PRRX2: variants seen among roughly 807,000 people sequenced by gnomAD.
PRRX2 encodes paired related homeobox 2.
In PRRX2, 11 loss-of-function variants were observed where a neutral mutation model predicts 18.0. The observed-to-expected ratio is 0.61, with a 90% CI of 0.39 to 1.01. The LOEUF (loss-of-function observed/expected upper bound fraction) is 1.01, where lower values mean the gene tolerates loss of function less well. Among genes scored for constraint, PRRX2 ranks in the 50% least tolerant of loss-of-function variants. PRRX2 has a pLI of 0.01. For missense variants in PRRX2, 387 were observed against 351.0 expected (o/e 1.10, Z -0.82); for synonymous variants, 177 against 154.8 (o/e 1.14, Z -1.06).
rs1832776752 is a variant in PRRX2 at position 129,720,633 on chromosome 9, A to AT, written c.486dup (p.Glu163Ter). On this transcript the variant is annotated frameshift_variant, in exon 3 of 4. Coordinates refer to ENST00000372469, the MANE Select transcript of PRRX2 (RefSeq NM_016307.4). LOFTEE classifies it high-confidence loss of function. Reference sequence around the variant, plus strand: ...AACCGCCGCGCCAAGTTCCGCAGGAATGAAAGGGCCATGCTGGCCAGCCGC... The same window carrying AT: ...AACCGCCGCGCCAAGTTCCGCAGGAATTGAAAGGGCCATGCTGGCCAGCCGC... 1 of 1,613,036 alleles carries AT rather than the reference A, an allele frequency of 6.2e-7. No individual in the cohort carries two copies.
rs758622935 is a variant in PRRX2 at position 129,720,733 on chromosome 9, G to A, written c.585G>A (p.Leu195=). ...CCGTGGCTCCCCGGCCCACCGCCCT[G>A]AGTCCAGATTATCTCTCCTGGACAG... ...EQPVAPRPTA[L]SPDYLSWTAS... Residue 195 remains leucine, a synonymous_variant, in exon 3 of 4, where the codon CTG becomes CTA. Transcript: ENST00000372469. 1.2e-6 allele frequency: 2 copies of A among 1,611,460 alleles called. No homozygotes were observed. Among genetic ancestry groups the A allele is most frequent in the Admixed American group, 3.3e-5 (2 of 59,780 alleles).
In PRRX2 at chr9:129,715,106, G is replaced by T. The variant is rs1031612549; in HGVS notation, c.260-4125G>T. On this transcript the variant is annotated intron_variant, in intron 1 of 3. Coordinates refer to ENST00000372469, the MANE Select transcript of PRRX2 (RefSeq NM_016307.4). This position sits in a 1 kb window ranked among gnomAD's most constrained non-coding sequence, Gnocchi z 4.0. ...CCGGCAATGAGACCAGCTCCACAGG[G>T]CCACCACGTGCTCCCTCCCCACTGC... Among the ~76,000 whole-genome samples the T allele has an allele frequency of 1.3e-5, 2 of 152,104 alleles. No individual in the cohort carries two copies. The highest frequency in any genetic ancestry group is 2.4e-5 in the African/African-American group (1 of 41,408).
chr9:129,694,933 C>T (rs1832402470), intron 1 of PRRX2, among the ~76,000 whole-genome samples: 1 of 152,188 alleles, frequency 6.6e-6, no homozygotes, highest in Non-Finnish European at 1.5e-5. Context: ...AGCCACCATC[C>T]CCTCTCATCA....
intron 1 of PRRX2, among the ~76,000 whole-genome samples, chr9:129,689,095 G>C (rs1010609248): frequency 6.6e-6 from 1 of 152,166 alleles, no homozygotes; most frequent in Non-Finnish European, 1.5e-5. Flanking sequence ...TCATGGCACA[G>C]AGAGACACTC....
chr9:129,716,066 T>C (rs1832703090), intron 1 of PRRX2, among the ~76,000 whole-genome samples: 1 of 152,112 alleles, frequency 6.6e-6, no homozygotes. Flanking sequence ...TTGGCCAAAC[T>C]GTAGGCAAAA....
chr9:129,670,907 G>T (rs1173121843), intron 1 of PRRX2, among the ~76,000 whole-genome samples: 6 of 152,088 alleles, frequency 3.9e-5, no homozygotes, highest in Non-Finnish European at 8.8e-5. Context: ...GGGACAAGGG[G>T]AGTCATGCAG....
intron 1 of PRRX2, among the ~76,000 whole-genome samples, chr9:129,683,092 T>A (rs1187556417): frequency 2.0e-5 from 3 of 150,022 alleles, no homozygotes; most frequent in African/African-American, 7.4e-5. Context: ...TGGGTGAGAG[T>A]GAGACTCTGT....
In PRRX2 at chr9:129,683,528, G is replaced by A. The variant is rs181005708; in HGVS notation, c.259+17402G>A. On this transcript the variant is annotated intron_variant, in intron 1 of 3. Transcript: ENST00000372469. ...AGGTGGGCGGATCACGAGGTCAGGA[G>A]ATCGAGACCGTCCTGGCTAAAACGG... Among the ~76,000 whole-genome samples, 46 of 152,262 alleles carry A rather than the reference G, an allele frequency of 3.0e-4. No individual in the cohort carries two copies. In the East Asian group the frequency reaches 7.2e-3, roughly 24 times the overall value.
chr9:129,683,165 T>C (rs545677802), intron 1 of PRRX2, among the ~76,000 whole-genome samples: 3 of 152,248 alleles, frequency 2.0e-5, no homozygotes, highest in African/African-American at 7.2e-5. Context: ...TAAGTCTTAT[T>C]TGGGTGAAGT....
rs2130921307 is a variant in PRRX2, at chr9:129,695,882, T to C, written c.260-23349T>C. Among the ~76,000 whole-genome samples the C allele has an allele frequency of 6.6e-6, 1 of 152,260 alleles. No individual in the cohort carries two copies. The highest frequency in any genetic ancestry group is 2.1e-4 in the South Asian group (1 of 4,822). Reference sequence around the variant, plus strand: ...GTTCTAAACAGAACCTCTGCTGTCATGTAAGCAGCTCAGAAAAAAACACTC... The same window carrying C: ...GTTCTAAACAGAACCTCTGCTGTCACGTAAGCAGCTCAGAAAAAAACACTC... On this transcript the variant is annotated intron_variant, in intron 1 of 3. Coordinates refer to ENST00000372469, the MANE Select transcript of PRRX2 (RefSeq NM_016307.4). The surrounding 1 kb of genome is among the most constrained non-coding windows in gnomAD (Gnocchi z 4.8).
At chr9:129,699,435 A>ATGTGTGTGTGTGTG (rs966193468) in intron 1 of PRRX2, among the ~76,000 whole-genome samples, 1 of 142,578 alleles carries the variant, frequency 7.0e-6, no homozygotes, top group African/African-American at 2.8e-5. Flanking sequence ...AAAAAAATAT[A>ATGTGTGTGTGTGTG]TATATGTGTG....
At chr9:129,711,662 G>C (rs1179417036) in intron 1 of PRRX2, among the ~76,000 whole-genome samples, 1 of 152,030 alleles carries the variant, frequency 6.6e-6, no homozygotes. Flanking sequence ...ACTCGCCTCG[G>C]CCTCCCAAAG....
At position 129,675,018 on chromosome 9, in the gene PRRX2, A is replaced by G. The variant is rs1832146409; in HGVS notation, c.259+8892A>G. ...TTGTACCCTGCTGCGGGCTCCTTCC[A>G]GAGCTGACTCTGCCTCCATTACCCT... On this transcript the variant is annotated intron_variant, in intron 1 of 3. Coordinates refer to ENST00000372469, the MANE Select transcript of PRRX2 (RefSeq NM_016307.4). The surrounding 1 kb of genome is among the most constrained non-coding windows in gnomAD (Gnocchi z 4.4). Among the ~76,000 whole-genome samples the G allele has an allele frequency of 6.6e-6, 1 of 152,230 alleles. No homozygotes were observed. Among genetic ancestry groups the G allele is most frequent in the Non-Finnish European group, 1.5e-5 (1 of 68,004 alleles).
intron 1 of PRRX2, among the ~76,000 whole-genome samples, chr9:129,679,752 G>A (rs1218874157): frequency 6.6e-6 from 1 of 152,150 alleles, no homozygotes; most frequent in African/African-American, 2.4e-5. Flanking sequence ...CCAGGCAGGC[G>A]GGCTAGGGGC....
At chr9:129,698,553 G>T (rs1451934529) in intron 1 of PRRX2, among the ~76,000 whole-genome samples, 1 of 152,220 alleles carries the variant, frequency 6.6e-6, no homozygotes, top group Non-Finnish European at 1.5e-5. Context: ...TGGGATGCTG[G>T]GTAGGGTGGG....
chr9:129,707,018 G>T (rs1212942797), intron 1 of PRRX2, among the ~76,000 whole-genome samples: 1 of 152,192 alleles, frequency 6.6e-6, no homozygotes, highest in African/African-American at 2.4e-5. Context: ...CACTTTGGGA[G>T]GCAAAGGCGG....
intron 1 of PRRX2, among the ~76,000 whole-genome samples, chr9:129,682,327 G>A (rs1012652755): frequency 4.4e-5 from 5 of 113,104 alleles, no homozygotes; most frequent in African/African-American, 7.3e-5. Flanking sequence ...GCTGCTGTGC[G>A]CACTATGTTA....
intron 1 of PRRX2, among the ~76,000 whole-genome samples, chr9:129,694,991 C>T (rs1281921268): frequency 6.6e-6 from 1 of 152,168 alleles, no homozygotes; most frequent in Non-Finnish European, 1.5e-5. Flanking sequence ...AAGGGCTCAC[C>T]ATGGAGGAGG....
rs2119042219 is a variant in PRRX2 at position 129,665,875 on chromosome 9, G to A, written c.8G>A (p.Ser3Asn). The A allele has an allele frequency of 2.8e-6, 3 of 1,067,832 alleles. No homozygotes were observed. In the East Asian group the frequency reaches 2.4e-4, roughly 84 times the overall value. The allele number at this position is 1,067,832 out of a possible 1,614,324, so 66.1% of individuals were successfully genotyped here. The change falls in exon 1 of 4, where the codon AGC becomes AAC. Residue 3 changes from serine to asparagine, a missense_variant. Transcript: ENST00000372469. The surrounding 1 kb of genome is among the most constrained non-coding windows in gnomAD (Gnocchi z 5.3). ...CCGGGGCCGCTCGCGGGCATGGACA[G>A]CGCGGCCGCCGCCTTCGCCCTGGAC... MDSAAAAFALDKP... is the reference protein window; with the variant it reads MDNAAAAFALDKP...
Sources: allele counts gnomAD v4.1 joint callset (sites outside exome capture counted in the v4.1 genomes callset), GRCh38; gene constraint gnomAD v4.1.1; non-coding constraint Gnocchi (gnomAD v3.1); transcripts MANE v1.5; gene names NCBI Gene and HGNC (gene_info 2026-07-23, HGNC 2026-07-21).